Variants in GRIA2 observed in about 807,000 individuals in gnomAD.
The protein encoded by GRIA2 is glutamate ionotropic receptor AMPA type subunit 2, also known as glutamate receptor 2.
In GRIA2, 14 loss-of-function variants were observed where a neutral mutation model predicts 97.3. The ratio of observed to expected loss-of-function variants is 0.14; its 90% CI spans 0.10 to 0.23. GRIA2 has a LOEUF of 0.23. GRIA2 is among the 10% of genes least tolerant of loss of function. The probability of loss-of-function intolerance (pLI) is 1.00; values close to 1 mark genes in which losing one functional copy is unlikely to be tolerated. For missense variants in GRIA2, 558 were observed against 1,069.8 expected (o/e 0.52, Z 6.67); for synonymous variants, 412 against 387.8 (o/e 1.06, Z -0.73).
At chr4:157,277,056 C>T (rs1173439392) in intron 2 of GRIA2, among the ~76,000 whole-genome samples, 2 of 151,788 alleles carry the variant, frequency 1.3e-5, no homozygotes, top group East Asian at 3.9e-4. Flanking sequence ...CAACATTACC[C>T]TATTACTAAA....
intron 2 of GRIA2, among the ~76,000 whole-genome samples, chr4:157,229,505 T>C (rs1159379183): frequency 6.6e-6 from 1 of 152,196 alleles, no homozygotes; most frequent in Non-Finnish European, 1.5e-5. Context: ...AGGTTCCTTA[T>C]AGAAAGGGAA....
At chr4:157,299,494 AC>A (rs1306601914) in intron 2 of GRIA2, among the ~76,000 whole-genome samples, 1 of 152,188 alleles carries the variant, frequency 6.6e-6, no homozygotes, top group African/African-American at 2.4e-5. Flanking sequence ...AACAAAAAAA[AC>A]ATACTCAGTT....
chr4:157,223,447 T>C (rs1729598343), intron 2 of GRIA2, among the ~76,000 whole-genome samples: 1 of 152,164 alleles, frequency 6.6e-6, no homozygotes, highest in African/African-American at 2.4e-5. Context: ...TTGAAAAACG[T>C]CCGTAATAGA....
chr4:157,336,890 C>G lies in GRIA2; in HGVS notation c.1844+143C>G, dbSNP rs1228382082. 6.2e-5 allele frequency: 44 copies of G among 711,556 alleles called. No individual in the cohort carries two copies. In the East Asian group the frequency reaches 1.0e-3, roughly 17 times the overall value. The allele number at this position is 711,556 out of a possible 1,614,324, so 44.1% of individuals were successfully genotyped here. The stretch of plus-strand genomic sequence containing the variant: ...AGACTCTTGAAGGACATCCTCTTAG[C>G]TTCGGCATAAGTCTGTGAAATATTT... On this transcript the variant is annotated intron_variant, in intron 11 of 15. Transcript: ENST00000264426.
intron 12 of GRIA2, among the ~76,000 whole-genome samples, chr4:157,358,510 G>A (rs1736492896): frequency 6.6e-6 from 1 of 152,140 alleles, no homozygotes; most frequent in African/African-American, 2.4e-5. Flanking sequence ...AATTAGGTGA[G>A]AGAATAAGTA....
At chr4:157,230,222 G>C (rs927109936) in intron 2 of GRIA2, among the ~76,000 whole-genome samples, 3 of 151,940 alleles carry the variant, frequency 2.0e-5, no homozygotes, top group African/African-American at 7.3e-5. Flanking sequence ...AATTTCTCTA[G>C]CATCAGTATT....
chr4:157,244,651 G>A (rs1388638865), intron 2 of GRIA2, among the ~76,000 whole-genome samples: 7 of 152,016 alleles, frequency 4.6e-5, no homozygotes, highest in Non-Finnish European at 8.8e-5. Context: ...CTATATAAAA[G>A]AGGCTACTGA....
At chr4:157,350,997 C>T (rs1217709429) in intron 12 of GRIA2, among the ~76,000 whole-genome samples, 1 of 144,188 alleles carries the variant, frequency 6.9e-6, no homozygotes, top group Non-Finnish European at 1.5e-5. Context: ...CTATCATATA[C>T]AGTAGTAATA....
intron 2 of GRIA2, among the ~76,000 whole-genome samples, chr4:157,274,334 T>C (rs1352844763): frequency 1.3e-5 from 2 of 152,054 alleles, no homozygotes; most frequent in Non-Finnish European, 2.9e-5. Context: ...TTTTATTTTT[T>C]TTCCAATTTG....
At position 157,363,588 on chromosome 4, in the gene GRIA2, G is replaced by C; in HGVS notation, c.*157G>C. The C allele has an allele frequency of 8.1e-7, 1 of 1,232,902 alleles. No homozygotes were observed. The highest frequency in any genetic ancestry group is 1.0e-6 in the Non-Finnish European group (1 of 986,950). 76.4% of individuals were successfully genotyped at this position (1,232,902 alleles called of 1,614,324 possible). ...CATGGGAATGAATGTCAGTGTGACT[G>C]ATCTCTCGTGATTGATAAGAACCTT... On this transcript the variant is annotated 3_prime_UTR_variant, in exon 16 of 16. Coordinates refer to ENST00000264426, the MANE Select transcript of GRIA2 (RefSeq NM_001083619.3).
At chr4:157,301,603 T>C (rs940219427) in intron 2 of GRIA2, among the ~76,000 whole-genome samples, 1 of 152,324 alleles carries the variant, frequency 6.6e-6, no homozygotes, top group Non-Finnish European at 1.5e-5. Flanking sequence ...TTGCCTAATA[T>C]TTTTTGATTG....
At chr4:157,314,765 A>T (rs1432869886) in intron 4 of GRIA2, among the ~76,000 whole-genome samples, 2 of 152,202 alleles carry the variant, frequency 1.3e-5, no homozygotes, top group Non-Finnish European at 2.9e-5. Flanking sequence ...TCTATTCAAA[A>T]TGCAGAGTAT....
At chr4:157,339,204 C>T (rs1735439248) in intron 11 of GRIA2, among the ~76,000 whole-genome samples, 1 of 151,648 alleles carries the variant, frequency 6.6e-6, no homozygotes, top group Non-Finnish European at 1.5e-5. Context: ...CTGGATTGTC[C>T]CCAATGACCC....
chr4:157,229,172 A>G (rs892356387), intron 2 of GRIA2, among the ~76,000 whole-genome samples: 10 of 151,974 alleles, frequency 6.6e-5, no homozygotes, highest in African/African-American at 2.4e-4. Flanking sequence ...CAATTGCTCT[A>G]TTTGCATTAA....
chr4:157,322,794 T>C (rs571813413), intron 6 of GRIA2, among the ~76,000 whole-genome samples: 1 of 152,320 alleles, frequency 6.6e-6, no homozygotes, highest in East Asian at 1.9e-4. Context: ...GTTATTTCAG[T>C]TGCTCTCACA....
intron 2 of GRIA2, among the ~76,000 whole-genome samples, chr4:157,241,357 A>G (rs1482656425): frequency 3.9e-5 from 6 of 152,104 alleles, no homozygotes; most frequent in Admixed American, 6.6e-5. Flanking sequence ...CATTAGTCCT[A>G]CCTAAAAATT....
chr4:157,233,227 G>T (rs916403897), intron 2 of GRIA2, among the ~76,000 whole-genome samples: 2 of 152,056 alleles, frequency 1.3e-5, no homozygotes, highest in African/African-American at 4.8e-5. Flanking sequence ...GATATATTTG[G>T]TGCACTATAG....
At chr4:157,345,072 G>A (rs1279124465) in intron 12 of GRIA2, among the ~76,000 whole-genome samples, 2 of 151,942 alleles carry the variant, frequency 1.3e-5, no homozygotes, top group East Asian at 3.8e-4. Flanking sequence ...TAAAGTCTAA[G>A]ATATTTTCAG....
In GRIA2 at chr4:157,355,949, A is replaced by T. The variant is rs192854931; in HGVS notation, c.2044-3947A>T. Among the ~76,000 whole-genome samples, 211 of 25,622 alleles carry T rather than the reference A, an allele frequency of 8.2e-3. 14 individuals are homozygous for T. Among genetic ancestry groups the T allele is most frequent in the Non-Finnish European group, 0.022 (182 of 8,416 alleles). 16.8% of individuals were successfully genotyped at this position (25,622 alleles called of 152,430 possible). A position where few individuals can be genotyped will look rare whatever the true frequency, so the allele number is the denominator to read the frequency against. On this transcript the variant is annotated intron_variant, in intron 12 of 15. Transcript: ENST00000264426. ...TATATATATTTATATATTAATATATATTTATATATTTATGTATATTAATAT... is the reference window on the plus strand; with the variant it reads ...TATATATATTTATATATTAATATATTTTTATATATTTATGTATATTAATAT...
Sources: allele counts gnomAD v4.1 joint callset (sites outside exome capture counted in the v4.1 genomes callset), GRCh38; gene constraint gnomAD v4.1.1; transcripts MANE v1.5; gene names NCBI Gene and HGNC (gene_info 2026-07-23, HGNC 2026-07-21).